KCNB2: variants seen among roughly 807,000 people sequenced by gnomAD.
KCNB2 encodes the protein delayed rectifier potassium channel protein.
In KCNB2, 15 loss-of-function variants were observed where a neutral mutation model predicts 61.5. That is an observed-to-expected ratio of 0.24 (90% CI 0.16 to 0.38). The LOEUF is 0.38. KCNB2 is among the 10% of genes least tolerant of loss of function. KCNB2 has a pLI of 1.00. For missense variants in KCNB2, 828 were observed against 1,125.2 expected (o/e 0.74, Z 3.78); for synonymous variants, 457 against 446.0 (o/e 1.02, Z -0.31).
At chr8:72,850,891 C>T (rs570645858) in intron 2 of KCNB2, among the ~76,000 whole-genome samples, 52 of 71,054 alleles carry the variant, frequency 7.3e-4, no homozygotes, top group Admixed American at 4.7e-3. Context: ...CTTTTATAGT[C>T]AATTTGATTG....
chr8:72,810,188 A>G (rs536757207), intron 2 of KCNB2, among the ~76,000 whole-genome samples: 3 of 152,338 alleles, frequency 2.0e-5, no homozygotes, highest in East Asian at 3.9e-4. Flanking sequence ...GGCTGAAGGA[A>G]CTTACCGCAG....
chr8:72,544,109 A>G (rs998315277), intron 1 of KCNB2, among the ~76,000 whole-genome samples: 3 of 152,214 alleles, frequency 2.0e-5, no homozygotes, highest in African/African-American at 7.2e-5. Flanking sequence ...ATGAAGTGAC[A>G]TCTAAGTTCA....
chr8:72,561,735 CTA>C (rs1806526774), intron 1 of KCNB2, among the ~76,000 whole-genome samples: 1 of 22,130 alleles, frequency 4.5e-5, no homozygotes, highest in Non-Finnish European at 7.3e-5. Flanking sequence ...ATATCTATAT[CTA>C]TATATATATG....
Position 72,565,645 on chromosome 8 carries a change from T to TACACAC in KCNB2, c.-93-1985_-93-1980dup, listed in dbSNP as rs137899039. 4.8e-3 allele frequency among the ~76,000 whole-genome samples: 721 copies of TACACAC among 149,952 alleles called. 6 individuals carry two copies. The highest frequency in any genetic ancestry group is 0.017 in the African/African-American group (682 of 41,020). On this transcript the variant is annotated intron_variant, in intron 1 of 2. Coordinates refer to ENST00000523207, the MANE Select transcript of KCNB2 (RefSeq NM_004770.3). ...AGGAGAAAAGAGCCATGAAGCAGAA[T>TACACAC]ACACACACACACACACAACACACAC... is the stretch of plus-strand genomic sequence containing the variant.
intron 2 of KCNB2, among the ~76,000 whole-genome samples, chr8:72,756,847 G>T (rs186981115): frequency 1.3e-5 from 2 of 152,270 alleles, no homozygotes; most frequent in African/African-American, 4.8e-5. Context: ...TCAAAGAGGG[G>T]TCTAGAGGAG....
intron 2 of KCNB2, among the ~76,000 whole-genome samples, chr8:72,683,508 G>A (rs557573476): frequency 6.6e-6 from 1 of 152,312 alleles, no homozygotes; most frequent in East Asian, 1.9e-4. Context: ...TAGGATCTGG[G>A]TAGCAGGAAT....
intron 2 of KCNB2, among the ~76,000 whole-genome samples, chr8:72,912,489 C>CATATATATATATATAT (rs5892374): frequency 1.0e-4 from 14 of 137,324 alleles, no homozygotes; most frequent in Admixed American, 8.2e-4. Context: ...AGCTTTTATT[C>CATATATATATATATAT]ATATATATAT....
Position 72,844,015 on chromosome 8 carries a change from C to T in KCNB2, c.580-91920C>T, listed in dbSNP as rs530380094. 3.4e-4 allele frequency among the ~76,000 whole-genome samples: 52 copies of T among 152,228 alleles called. No individual in the cohort carries two copies. In the East Asian group the frequency reaches 9.5e-3, roughly 28 times the overall value. ...TAGTTATTTTGCCCATTAGTTGATG[C>T]GGTTTCTTCATAGTGTTGATGGTCT... is the stretch of plus-strand genomic sequence containing the variant. On this transcript the variant is annotated intron_variant, in intron 2 of 2. Transcript: ENST00000523207.
chr8:72,931,064 G>A (rs1015256361), intron 2 of KCNB2, among the ~76,000 whole-genome samples: 3 of 152,086 alleles, frequency 2.0e-5, no homozygotes, highest in African/African-American at 4.8e-5. Flanking sequence ...AATCCTTTCC[G>A]CATTTCTTGT....
At chr8:72,784,060 GT>G (rs1808808971) in intron 2 of KCNB2, among the ~76,000 whole-genome samples, 1 of 151,968 alleles carries the variant, frequency 6.6e-6, no homozygotes, top group African/African-American at 2.4e-5. Context: ...CTACCACTGT[GT>G]TTTAAAATAT....
chr8:72,827,396 A>T (rs1278024194), intron 2 of KCNB2, among the ~76,000 whole-genome samples: 2 of 152,194 alleles, frequency 1.3e-5, no homozygotes, highest in South Asian at 4.1e-4. Context: ...ATACTCTGCC[A>T]TGGTGAAAAA....
chr8:72,675,485 G>A (rs1485303371), intron 2 of KCNB2, among the ~76,000 whole-genome samples: 1 of 151,384 alleles, frequency 6.6e-6, no homozygotes, highest in Non-Finnish European at 1.5e-5. Context: ...ATTAATGGGA[G>A]GCTTGTTGCA....
chr8:72,541,634 A>C (rs562468707), intron 1 of KCNB2, among the ~76,000 whole-genome samples: 11 of 152,248 alleles, frequency 7.2e-5, no homozygotes, highest in African/African-American at 2.6e-4. Context: ...GGATGCTTGA[A>C]AAAGGCCAAA....
At chr8:72,719,645 GA>G (rs950785356) in intron 2 of KCNB2, among the ~76,000 whole-genome samples, 2 of 151,970 alleles carry the variant, frequency 1.3e-5, no homozygotes, top group African/African-American at 4.8e-5. Context: ...TTTAAAAGTA[GA>G]AAAAAGCTTC....
At chr8:72,809,401 A>AT (rs1335919896) in intron 2 of KCNB2, among the ~76,000 whole-genome samples, 1 of 152,188 alleles carries the variant, frequency 6.6e-6, no homozygotes, top group East Asian at 1.9e-4. Flanking sequence ...TTAAAATTAA[A>AT]CTTTAATTAA....
At chr8:72,583,084 G>C (rs765152934) in intron 2 of KCNB2, among the ~76,000 whole-genome samples, 4 of 152,092 alleles carry the variant, frequency 2.6e-5, no homozygotes, top group Non-Finnish European at 4.4e-5. Flanking sequence ...TCAGGATTTA[G>C]ATAAATATTA....
At position 72,568,328 on chromosome 8, in the gene KCNB2, G is replaced by T. The variant is rs148348212; in HGVS notation, c.579+15G>T. ...TGGCTGCAAAGGTATGAAACCCATA[G>T]TATTGCTTGCCTGTGTGTGGTCAGA... On this transcript the variant is annotated intron_variant, in intron 2 of 2. Transcript: ENST00000523207. The T allele has an allele frequency of 1.0e-3, 1,631 of 1,587,446 alleles. 14 individuals carry two copies. The African/African-American group carries it at 0.019, about 19-fold the overall frequency.
At chr8:72,774,471 C>T (rs557747656) in intron 2 of KCNB2, among the ~76,000 whole-genome samples, 2 of 152,162 alleles carry the variant, frequency 1.3e-5, no homozygotes, top group Non-Finnish European at 2.9e-5. Context: ...CTGCCTCAGC[C>T]TCCTGAGTAG....
chr8:72,796,568 G>T (rs1246937287), intron 2 of KCNB2, among the ~76,000 whole-genome samples: 1 of 151,980 alleles, frequency 6.6e-6, no homozygotes. Context: ...TCCCACTGGT[G>T]CTGTGGGAGA....
Sources: allele counts gnomAD v4.1 joint callset (sites outside exome capture counted in the v4.1 genomes callset), GRCh38; gene constraint gnomAD v4.1.1; transcripts MANE v1.5; gene names NCBI Gene and HGNC (gene_info 2026-07-23, HGNC 2026-07-21).